The following ADAMTS16 variants were observed in gnomAD, a reference collection of about 807,000 sequenced individuals.
The protein encoded by ADAMTS16 is A disintegrin and metalloproteinase with thrombospondin motifs 16.
In ADAMTS16, 94 loss-of-function variants were observed where a neutral mutation model predicts 145.8. The observed-to-expected ratio is 0.64, with a 90% confidence interval of 0.55 to 0.77. The LOEUF (loss-of-function observed/expected upper bound fraction) is 0.77, where lower values mean the gene tolerates loss of function less well. ADAMTS16 is among the 30% of genes least tolerant of loss of function. The pLI is 0.00. For missense variants in ADAMTS16, 1,585 were observed against 1,591.5 expected, an observed-to-expected ratio of 1.00 and a Z score of 0.07; for synonymous variants, 659 against 604.3, an observed-to-expected ratio of 1.09 and a Z score of -1.33.
chr5:5,284,095 T>C (rs1739028882), intron 18 of ADAMTS16, among the ~76,000 whole-genome samples: 1 of 152,224 alleles, frequency 6.6e-6, no homozygotes, highest in Admixed American at 6.5e-5. Flanking sequence ...TTCTTTTTTG[T>C]ACCCTTTGGT....
chr5:5,231,342 C>A lies in ADAMTS16; in HGVS notation c.1702-1026C>A, dbSNP rs144428877. On this transcript the variant is annotated intron_variant, in intron 11 of 22. Coordinates refer to ENST00000274181, the MANE Select transcript of ADAMTS16 (RefSeq NM_139056.4). The stretch of plus-strand genomic sequence containing the variant: ...GCCATTTGAACTGCCATAGTATGTG[C>A]CAACACTGGTCAGATATCAGTAGTT... Among the ~76,000 whole-genome samples, 1,135 of 152,260 alleles carry A rather than the reference C, an allele frequency of 7.5e-3. 18 individuals carry two copies. Among genetic ancestry groups the A allele is most frequent in the African/African-American group, 0.026 (1,074 of 41,544 alleles).
chr5:5,272,164 A>G (rs1738505970), intron 18 of ADAMTS16, among the ~76,000 whole-genome samples: 1 of 152,080 alleles, frequency 6.6e-6, no homozygotes, highest in African/African-American at 2.4e-5. Flanking sequence ...GTGTTTGTGT[A>G]GGAGAGGGTT....
At chr5:5,228,125 T>C (rs1736820683) in intron 11 of ADAMTS16, among the ~76,000 whole-genome samples, 1 of 152,244 alleles carries the variant, frequency 6.6e-6, no homozygotes, top group African/African-American at 2.4e-5. Flanking sequence ...AAAATGCTGT[T>C]AAATAATCCC....
intron 8 of ADAMTS16, 104 bp downstream of exon 8, chr5:5,191,894 C>T: frequency 2.5e-6 from 2 of 808,310 alleles, no homozygotes; most frequent in Non-Finnish European, 4.0e-6. Context: ...AGGGAATTCA[C>T]ATATATCCAA....
intron 8 of ADAMTS16, among the ~76,000 whole-genome samples, chr5:5,195,210 C>T (rs903054678): frequency 6.6e-6 from 1 of 152,148 alleles, no homozygotes; most frequent in Non-Finnish European, 1.5e-5. Flanking sequence ...GGGATTGAAT[C>T]AGGATTTGTA....
chr5:5,152,289 G>A (rs1019441361), intron 3 of ADAMTS16, among the ~76,000 whole-genome samples: 2 of 152,202 alleles, frequency 1.3e-5, no homozygotes, highest in East Asian at 1.9e-4. Flanking sequence ...CTTACTCTAT[G>A]AGCAGAGCTC....
Position 5,239,820 on chromosome 5 carries a change from C to T in ADAMTS16, c.2418C>T (p.Pro806=), listed in dbSNP as rs761801306. Residue 806 remains proline (P), a synonymous_variant, in exon 16 of 23, where the codon CCC becomes CCT. Transcript: ENST00000274181. The part of the protein sequence containing the change: ...YLNGHWTVDW[P]GRYKFSGTTF... ...ATGGGCACTGGACCGTGGACTGGCC[C>T]GGCCGGTACAAATTTTCGGGCACTA... The T allele has an allele frequency of 1.1e-5, 17 of 1,614,078 alleles. No individual in the cohort carries two copies. The highest frequency in any genetic ancestry group is 3.3e-4 in the Middle Eastern group (2 of 6,062).
intron 3 of ADAMTS16, among the ~76,000 whole-genome samples, chr5:5,160,628 TG>T (rs2126525966): frequency 6.6e-6 from 1 of 152,196 alleles, no homozygotes; most frequent in East Asian, 1.9e-4. Flanking sequence ...AAAATCTTTA[TG>T]GGATAAATAA....
At chr5:5,212,275 T>C (rs1249953238) in intron 10 of ADAMTS16, among the ~76,000 whole-genome samples, 1 of 149,812 alleles carries the variant, frequency 6.7e-6, no homozygotes, top group Non-Finnish European at 1.5e-5. Context: ...TGGCACGATC[T>C]TGGCTCACTG....
intron 18 of ADAMTS16, among the ~76,000 whole-genome samples, chr5:5,300,131 G>A (rs1044503204): frequency 9.2e-5 from 14 of 152,324 alleles, no homozygotes; most frequent in Non-Finnish European, 1.9e-4. Flanking sequence ...GACTTAACGA[G>A]GCGGTGTGAA....
chr5:5,229,994 C>T (rs186525949), intron 11 of ADAMTS16, among the ~76,000 whole-genome samples: 33 of 152,282 alleles, frequency 2.2e-4, no homozygotes, highest in African/African-American at 6.5e-4. Flanking sequence ...TGCTCTGGGC[C>T]TCACCAGGCA....
At chr5:5,205,320 A>G (rs557501765) in intron 9 of ADAMTS16, among the ~76,000 whole-genome samples, 3 of 152,132 alleles carry the variant, frequency 2.0e-5, no homozygotes, top group Admixed American at 2.0e-4. Context: ...AAAAAAAGAA[A>G]AAAAAAAAAG....
At chr5:5,166,003 G>A (rs1253950103) in intron 3 of ADAMTS16, among the ~76,000 whole-genome samples, 1 of 152,144 alleles carries the variant, frequency 6.6e-6, no homozygotes, top group Non-Finnish European at 1.5e-5. Flanking sequence ...CAACAGCACA[G>A]AGTCCTGCAC....
intron 18 of ADAMTS16, among the ~76,000 whole-genome samples, chr5:5,293,670 C>T (rs1739417436): frequency 1.3e-5 from 2 of 152,124 alleles, no homozygotes; most frequent in East Asian, 1.9e-4. Context: ...GCTTGCGTTC[C>T]TTTCCTTTAA....
chr5:5,174,100 A>T (rs920217226), intron 3 of ADAMTS16, among the ~76,000 whole-genome samples: 13 of 152,168 alleles, frequency 8.5e-5, no homozygotes, highest in African/African-American at 3.1e-4. Flanking sequence ...TTCAGACTGA[A>T]GAATTCTCTT....
intron 3 of ADAMTS16, among the ~76,000 whole-genome samples, chr5:5,173,538 A>T (rs1405747502): frequency 6.6e-6 from 1 of 150,916 alleles, no homozygotes; most frequent in Non-Finnish European, 1.5e-5. Flanking sequence ...CAGTGGCGTG[A>T]TCTCGGCTCA....
At chr5:5,241,333 A>G (rs1376207497) in intron 16 of ADAMTS16, among the ~76,000 whole-genome samples, 1 of 152,236 alleles carries the variant, frequency 6.6e-6, no homozygotes, top group Non-Finnish European at 1.5e-5. Context: ...TTGGGTTTCA[A>G]GCTAGGAAAT....
intron 18 of ADAMTS16, among the ~76,000 whole-genome samples, chr5:5,263,975 A>C (rs766849168): frequency 5.9e-5 from 9 of 152,134 alleles, no homozygotes; most frequent in Non-Finnish European, 1.2e-4. Context: ...CTCAGCAGAG[A>C]GGGTAGCTGG....
intron 8 of ADAMTS16, among the ~76,000 whole-genome samples, chr5:5,193,688 T>C (rs1735726249): frequency 6.6e-6 from 1 of 152,228 alleles, no homozygotes. Context: ...GGCATTTATT[T>C]TTCTTAGAAG....
Sources: gnomAD v4.1 joint callset for allele counts (sites outside exome capture counted in the v4.1 genomes callset) on GRCh38, gnomAD v4.1.1 for gene constraint, MANE v1.5 for transcripts, NCBI Gene and HGNC (gene_info 2026-07-23, HGNC 2026-07-21) for gene names.